The following CNTN5 variants were observed in gnomAD, a reference collection of about 807,000 sequenced individuals.
CNTN5 encodes the protein contactin 5.
Under a neutral mutation model 129.1 loss-of-function variants are expected in CNTN5, and 77 were observed. The observed-to-expected ratio is 0.60, with a 90% CI of 0.50 to 0.72. The LOEUF is 0.72. CNTN5 is among the 30% of genes least tolerant of loss of function. The pLI, the probability that CNTN5 is intolerant of heterozygous loss-of-function variation, is 0.00. For missense variants in CNTN5, 1,478 were observed against 1,328.8 expected (o/e 1.11, Z -1.75); for synonymous variants, 509 against 465.6 (o/e 1.09, Z -1.20).
chr11:100,341,483 C>A (rs957532455), intron 23 of CNTN5, among the ~76,000 whole-genome samples: 1 of 152,142 alleles, frequency 6.6e-6, no homozygotes, highest in Non-Finnish European at 1.5e-5. Flanking sequence ...GATATTAGGA[C>A]CAGCAGAATT....
intron 1 of CNTN5, among the ~76,000 whole-genome samples, chr11:99,270,384 A>T (rs1863117616): frequency 1.3e-5 from 2 of 151,904 alleles, no homozygotes; most frequent in South Asian, 4.1e-4. Context: ...AATTCTAAAA[A>T]TTCATGAATA....
intron 3 of CNTN5, among the ~76,000 whole-genome samples, chr11:99,578,790 T>G (rs1210211768): frequency 1.3e-5 from 2 of 152,194 alleles, no homozygotes; most frequent in African/African-American, 4.8e-5. Context: ...GCCTGTTCAT[T>G]CTGATAGTGG....
chr11:99,154,328 C>A (rs923157060), intron 1 of CNTN5, among the ~76,000 whole-genome samples: 2 of 152,142 alleles, frequency 1.3e-5, no homozygotes, highest in African/African-American at 2.4e-5. Flanking sequence ...CTTGAGACAC[C>A]AGTTGTTGCG....
chr11:100,311,546 G>A (rs1951473811), intron 21 of CNTN5, among the ~76,000 whole-genome samples: 1 of 151,960 alleles, frequency 6.6e-6, no homozygotes, highest in Admixed American at 6.6e-5. Context: ...TGAATATTTG[G>A]TAAAGAAGGT....
At chr11:99,953,941 C>T (rs1184070225) in intron 7 of CNTN5, among the ~76,000 whole-genome samples, 4 of 152,016 alleles carry the variant, frequency 2.6e-5, no homozygotes, top group Non-Finnish European at 5.9e-5. Context: ...ATGATATTGC[C>T]TAGATTTTCT....
intron 3 of CNTN5, among the ~76,000 whole-genome samples, chr11:99,778,061 A>C (rs1591154423): frequency 6.6e-6 from 1 of 151,874 alleles, no homozygotes; most frequent in Admixed American, 6.6e-5. Flanking sequence ...TTTTTAATTC[A>C]GATTGAGTTG....
At chr11:99,076,907 T>C (rs188176629) in intron 1 of CNTN5, among the ~76,000 whole-genome samples, 1 of 152,344 alleles carries the variant, frequency 6.6e-6, no homozygotes, top group East Asian at 1.9e-4. Context: ...TTTTCATTTC[T>C]TTTCCTTTTC....
At chr11:99,242,079 T>A (rs978352050) in intron 1 of CNTN5, among the ~76,000 whole-genome samples, 1 of 152,126 alleles carries the variant, frequency 6.6e-6, no homozygotes, top group Non-Finnish European at 1.5e-5. Flanking sequence ...GAGATTTAAA[T>A]CCATTCAAAA....
intron 13 of CNTN5, among the ~76,000 whole-genome samples, chr11:100,179,089 T>G (rs913836273): frequency 1.3e-5 from 2 of 152,138 alleles, no homozygotes; most frequent in African/African-American, 4.8e-5. Context: ...TTGTACTCCC[T>G]CAGTTATTCT....
intron 6 of CNTN5, among the ~76,000 whole-genome samples, chr11:99,890,545 C>A (rs911931020): frequency 4.0e-5 from 6 of 149,654 alleles, no homozygotes; most frequent in African/African-American, 1.3e-4. Flanking sequence ...TGTATACATA[C>A]ATATATGATT....
intron 6 of CNTN5, among the ~76,000 whole-genome samples, chr11:99,887,410 A>C (rs958481068): frequency 2.6e-5 from 4 of 152,240 alleles, no homozygotes; most frequent in South Asian, 4.1e-4. Context: ...TGGTCAAATA[A>C]ATTTTATGGG....
chr11:99,252,809 T>C (rs77726407), intron 1 of CNTN5, among the ~76,000 whole-genome samples: 2,504 of 152,138 alleles, frequency 0.016, 64 homozygotes, highest in African/African-American at 0.056. Context: ...CTCTAATTCA[T>C]TGGAGACATT....
chr11:99,878,582 T>C (rs1403081392), intron 6 of CNTN5, among the ~76,000 whole-genome samples: 2 of 152,204 alleles, frequency 1.3e-5, no homozygotes, highest in African/African-American at 4.8e-5. Flanking sequence ...TTTAAGATGA[T>C]ACCTCTGGCT....
Position 100,066,056 on chromosome 11 carries a change from A to T in CNTN5, c.1163-4368A>T, listed in dbSNP as rs963116659. 2.0e-5 allele frequency among the ~76,000 whole-genome samples: 3 copies of T among 152,112 alleles called. No homozygotes were observed. The East Asian group carries it at 5.8e-4, about 29-fold the overall frequency. The stretch of plus-strand genomic sequence containing the variant: ...CCTTGAATTCTACTGTTATTATGAA[A>T]GTGATGCCATATGTATATTCACAGT... On this transcript the variant is annotated intron_variant, in intron 10 of 24. Transcript: ENST00000524871.
At chr11:99,966,407 G>A (rs897078266) in intron 8 of CNTN5, among the ~76,000 whole-genome samples, 12 of 152,140 alleles carry the variant, frequency 7.9e-5, no homozygotes, top group African/African-American at 2.9e-4. Flanking sequence ...CCAGAGGAGA[G>A]ATGCATTACA....
At chr11:99,682,719 TAC>T (rs1565422835) in intron 3 of CNTN5, among the ~76,000 whole-genome samples, 1 of 151,844 alleles carries the variant, frequency 6.6e-6, no homozygotes, top group Non-Finnish European at 1.5e-5. Context: ...CCATCTAAAA[TAC>T]AGTCATTCCA....
chr11:100,354,143 G>C (rs2139046465), intron 24 of CNTN5, among the ~76,000 whole-genome samples: 1 of 151,576 alleles, frequency 6.6e-6, no homozygotes, highest in East Asian at 1.9e-4. Flanking sequence ...ATAAATAATT[G>C]TATTTACCAT....
intron 9 of CNTN5, among the ~76,000 whole-genome samples, chr11:100,003,635 A>G (rs1461177312): frequency 6.6e-6 from 1 of 152,206 alleles, no homozygotes; most frequent in African/African-American, 2.4e-5. Context: ...AATAAGTTAG[A>G]TGTGGTTGCC....
At chr11:100,249,917 G>A (rs187023755) in intron 16 of CNTN5, among the ~76,000 whole-genome samples, 7 of 152,138 alleles carry the variant, frequency 4.6e-5, no homozygotes, top group South Asian at 2.1e-4. Context: ...ATAAAGTATC[G>A]ATAAGCCAAT....
Sources: allele counts gnomAD v4.1 joint callset (sites outside exome capture counted in the v4.1 genomes callset), GRCh38; gene constraint gnomAD v4.1.1; transcripts MANE v1.5; gene names NCBI Gene and HGNC (gene_info 2026-07-23, HGNC 2026-07-21).